The following YJEFN3 variants were observed in gnomAD, a reference collection of about 807,000 sequenced individuals.
The protein encoded by YJEFN3 is yjeF N-terminal domain-containing protein 3.
In YJEFN3, 29 loss-of-function variants were observed where a neutral mutation model predicts 31.5. The observed-to-expected ratio is 0.92, with a 90% CI of 0.69 to 1.26. The LOEUF is 1.26. Among genes scored for constraint, YJEFN3 ranks in the 50% most tolerant of loss-of-function variants. YJEFN3 has a pLI of 0.00. For missense variants in YJEFN3, 442 were observed against 425.4 expected (o/e 1.04, Z -0.34); for synonymous variants, 227 against 196.1 (o/e 1.16, Z -1.32).
chr19:19,528,952 C>A lies in YJEFN3; in HGVS notation c.20C>A (p.Pro7Gln). The change falls in exon 1 of 7, where the codon CCA (proline) becomes CAA (glutamine). Residue 7 changes from proline (P) to glutamine (Q), a missense_variant. Physicochemically the swap from Pro to Gln is moderately conservative, Grantham distance 76 (BLOSUM62 -1). Coordinates refer to ENST00000514277, the MANE Select transcript of YJEFN3 (RefSeq NM_198537.4). MSSAAG[P>Q]DPSEAPEERH... ...TCGGCCATGAGCAGCGCAGCCGGCC[C>A]AGACCCGTCGGAGGCGCCCGAAGAG... 6.5e-7 allele frequency: 1 copy of A among 1,549,724 alleles called. No individual in the cohort carries two copies. Among genetic ancestry groups the A allele is most frequent in the South Asian group, 1.2e-5 (1 of 83,976 alleles).
At chr19:19,530,886 C>T (rs1326000945) in intron 2 of YJEFN3, among the ~76,000 whole-genome samples, 1 of 152,142 alleles carries the variant, frequency 6.6e-6, no homozygotes, top group Non-Finnish European at 1.5e-5. Flanking sequence ...ATGTGTGGAC[C>T]CCCGAAGTGT....
rs542679590 is a variant in YJEFN3, at chr19:19,535,189, G to A, written c.429+45G>A. On this transcript the variant is annotated intron_variant, in intron 4 of 6. Transcript: ENST00000514277. ...TCGACCTCCCAAAGTCCCTGCCCCTGCAGAAATCACTGCCTTCTTTTGATA... is the reference window on the plus strand; with the variant it reads ...TCGACCTCCCAAAGTCCCTGCCCCTACAGAAATCACTGCCTTCTTTTGATA... 4 of 1,550,082 alleles carry A rather than the reference G, an allele frequency of 2.6e-6. No individual in the cohort carries two copies. The East Asian group carries it at 6.8e-5, about 26-fold the overall frequency.
At chr19:19,531,265 T>G (rs2061153151) in intron 2 of YJEFN3, among the ~76,000 whole-genome samples, 1 of 152,202 alleles carries the variant, frequency 6.6e-6, no homozygotes, top group Non-Finnish European at 1.5e-5. Context: ...ATGTCTTTGT[T>G]CATGTCCTGT....
chr19:19,536,412 G>T (rs1249391867), intron 6 of YJEFN3, among the ~76,000 whole-genome samples: 1 of 152,168 alleles, frequency 6.6e-6, no homozygotes, highest in East Asian at 1.9e-4. Context: ...CTGGGTGCAG[G>T]GGTCACACCT....
At position 19,532,651 on chromosome 19, in the gene YJEFN3, C is replaced by T; in HGVS notation, c.229C>T (p.Leu77=). 6 of 1,561,818 alleles carry T rather than the reference C, an allele frequency of 3.8e-6. No individual in the cohort carries two copies. Among genetic ancestry groups the T allele is most frequent in the Non-Finnish European group, 5.2e-6 (6 of 1,159,944 alleles). The change falls in exon 3 of 7, where the codon CTG becomes TTG. Residue 77 remains leucine (L), a synonymous_variant. Transcript: ENST00000514277. ...VCQSTAEAAA[L]ERELLEDYRF... Reference sequence around the variant, plus strand: ...CCCCAGCACCGCGGAGGCAGCCGCCCTGGAGCGGGAGCTGCTGGAGGATTA... The same window carrying T: ...CCCCAGCACCGCGGAGGCAGCCGCCTTGGAGCGGGAGCTGCTGGAGGATTA...
rs367672641 is a variant in YJEFN3, at chr19:19,535,409, G to A, written c.502G>A (p.Glu168Lys). ...LLHRDLTTQCEKMDIPFLSYL... is the reference protein window; with the variant it reads ...LLHRDLTTQCKKMDIPFLSYL... ...GCATCGGGACCTGACCACCCAGTGC[G>A]AGAAGATGGACATCCCCTTCCTGAG... Residue 168 changes from glutamate (E) to lysine (K), a missense_variant, in exon 5 of 7, where the codon GAG (glutamate) becomes AAG (lysine). Glu to Lys is a moderately conservative substitution (Grantham distance 56). Coordinates refer to ENST00000514277, the MANE Select transcript of YJEFN3 (RefSeq NM_198537.4). 5.6e-6 allele frequency: 9 copies of A among 1,614,006 alleles called. No homozygotes were observed. The highest frequency in any genetic ancestry group is 4.0e-5 in the African/African-American group (3 of 75,050).
In YJEFN3 at chr19:19,535,091, C is replaced by T; in HGVS notation, c.376C>T (p.Pro126Ser). The T allele has an allele frequency of 6.2e-7, 1 of 1,612,212 alleles. No individual in the cohort carries two copies. The highest frequency in any genetic ancestry group is 8.5e-7 in the Non-Finnish European group (1 of 1,179,162). Residue 126 changes from proline (P) to serine (S), a missense_variant, in exon 4 of 7, where the codon CCG (proline) becomes TCG (serine). Pro to Ser is a moderately conservative substitution (Grantham distance 74). Transcript: ENST00000514277. ...KQRTVLVVCG[P>S]EQNGAVGLVC... ...GAGGACGGTGCTGGTCGTGTGTGGC[C>T]CGGAGCAGAACGGGGCAGTGGGGCT...
intron 2 of YJEFN3, among the ~76,000 whole-genome samples, chr19:19,529,936 C>T (rs973160566): frequency 6.6e-6 from 1 of 152,152 alleles, no homozygotes; most frequent in Non-Finnish European, 1.5e-5. Context: ...GGTTTGGGAC[C>T]CGGTGATGCA....
In YJEFN3 at chr19:19,534,291, A is replaced by C; in HGVS notation, c.319-743A>C. 6.1e-6 allele frequency: 3 copies of C among 494,716 alleles called. No individual in the cohort carries two copies. Among genetic ancestry groups the C allele is most frequent in the Non-Finnish European group, 7.9e-6 (3 of 381,202 alleles). The allele number at this position is 494,716 out of a possible 1,614,324, so 30.6% of individuals were successfully genotyped here. On this transcript the variant is annotated intron_variant, in intron 3 of 6. Coordinates refer to ENST00000514277, the MANE Select transcript of YJEFN3 (RefSeq NM_198537.4). This position sits in a 1 kb window ranked among gnomAD's most constrained non-coding sequence, Gnocchi z 4.6. ...TGGAGAAAGAGAGCCAGAGACATACAGAAAGACAGAGACACTAGAGTCTGA... is the reference window on the plus strand; with the variant it reads ...TGGAGAAAGAGAGCCAGAGACATACCGAAAGACAGAGACACTAGAGTCTGA...
In YJEFN3 at chr19:19,535,103, G is replaced by C. The variant is rs772369943; in HGVS notation, c.388G>C (p.Gly130Arg). 1 of 1,611,600 alleles carries C rather than the reference G, an allele frequency of 6.2e-7. No individual in the cohort carries two copies. Among genetic ancestry groups the C allele is most frequent in the African/African-American group, 1.3e-5 (1 of 74,966 alleles). The stretch of plus-strand genomic sequence containing the variant: ...GGTCGTGTGTGGCCCGGAGCAGAAC[G>C]GGGCAGTGGGGCTGGTCTGTGCCCG... ...VLVVCGPEQNGAVGLVCARHL... is the reference protein window; with the variant it reads ...VLVVCGPEQNRAVGLVCARHL... Residue 130 changes from glycine to arginine, a missense_variant, in exon 4 of 7, where the codon GGG becomes CGG. By Grantham distance (125) the Gly-to-Arg change is moderately radical. Coordinates refer to ENST00000514277, the MANE Select transcript of YJEFN3 (RefSeq NM_198537.4).
In YJEFN3 at chr19:19,534,359, G is replaced by C. The variant is rs1038090532; in HGVS notation, c.319-675G>C. Reference sequence around the variant, plus strand: ...AGAGACAGCCAGAGACAGATGGAGAGAGACAGAGACACAAAGAGAGCCAGA... The same window carrying C: ...AGAGACAGCCAGAGACAGATGGAGACAGACAGAGACACAAAGAGAGCCAGA... On this transcript the variant is annotated intron_variant, in intron 3 of 6. Coordinates refer to ENST00000514277, the MANE Select transcript of YJEFN3 (RefSeq NM_198537.4). This position sits in a 1 kb window ranked among gnomAD's most constrained non-coding sequence, Gnocchi z 4.6. 2.0e-5 allele frequency: 4 copies of C among 195,878 alleles called. No individual in the cohort carries two copies. Among genetic ancestry groups the C allele is most frequent in the Non-Finnish European group, 2.8e-5 (3 of 108,028 alleles). 12.1% of individuals were successfully genotyped at this position (195,878 alleles called of 1,614,324 possible).
In YJEFN3 at chr19:19,537,416, C is replaced by A; in HGVS notation, c.792C>A (p.Ser264=). The A allele has an allele frequency of 6.3e-7, 1 of 1,591,162 alleles. No homozygotes were observed. Among genetic ancestry groups the A allele is most frequent in the Non-Finnish European group, 8.5e-7 (1 of 1,174,800 alleles). ...AAPKRCAGRF[S]GRHHFVAGRF... ...CCAAGCGCTGCGCTGGCCGCTTCTC[C>A]GGGCGCCACCACTTCGTGGCCGGCA... is the stretch of plus-strand genomic sequence containing the variant. Residue 264 remains serine (S), a synonymous_variant, in exon 7 of 7, where the codon TCC becomes TCA. Transcript: ENST00000514277.
At position 19,534,238 on chromosome 19, in the gene YJEFN3, G is replaced by A. The variant is rs2061185003; in HGVS notation, c.319-796G>A. ...CAGATAACAGAGAGATACAGAGACA[G>A]CCAGAGACAAATGGAGAGAGAGACA... On this transcript the variant is annotated intron_variant, in intron 3 of 6. Coordinates refer to ENST00000514277, the MANE Select transcript of YJEFN3 (RefSeq NM_198537.4). This position sits in a 1 kb window ranked among gnomAD's most constrained non-coding sequence, Gnocchi z 4.6. 3 of 900,818 alleles carry A rather than the reference G, an allele frequency of 3.3e-6. No homozygotes were observed. The highest frequency in any genetic ancestry group is 4.0e-6 in the Non-Finnish European group (3 of 752,862). 55.8% of individuals were successfully genotyped at this position (900,818 alleles called of 1,614,324 possible).
At chr19:19,535,721 TG>T in intron 6 of YJEFN3, 42 bp downstream of exon 6, 1 of 1,539,856 alleles carries the variant, frequency 6.5e-7, no homozygotes, top group Non-Finnish European at 8.7e-7. Flanking sequence ...CTGGGGGGCT[TG>T]GGTGGAGGCC....
At chr19:19,535,950 G>A (rs2061205429) in intron 6 of YJEFN3, 2 of 582,390 alleles carry the variant, frequency 3.4e-6, no homozygotes, top group South Asian at 4.1e-5. Context: ...CTGGGCAGAC[G>A]TGAGCTCACT....
At chr19:19,531,381 T>A (rs951125048) in intron 2 of YJEFN3, among the ~76,000 whole-genome samples, 1 of 152,230 alleles carries the variant, frequency 6.6e-6, no homozygotes, top group Non-Finnish European at 1.5e-5. Flanking sequence ...TTTTTCCAAC[T>A]TTTCTAGGCC....
rs532219901 is a variant in YJEFN3, at chr19:19,536,697, C to T, written c.695-622C>T. ...GTATCTTAAAAACAAACAGGCTGGG[C>T]GCAATGGCTCACACCCATAATCCTA... On this transcript the variant is annotated intron_variant, in intron 6 of 6. Transcript: ENST00000514277. Among the ~76,000 whole-genome samples the T allele has an allele frequency of 1.6e-4, 23 of 148,066 alleles. No homozygotes were observed. In the South Asian group the frequency reaches 2.4e-3, roughly 15 times the overall value.
chr19:19,534,945 C>T lies in YJEFN3; in HGVS notation c.319-89C>T. ...TGTTGCCTCCAGGCCCAAGCCCCAT[C>T]CCTTCCCCTACTCCGGGCCTCAGTT... On this transcript the variant is annotated intron_variant, in intron 3 of 6. Transcript: ENST00000514277. The surrounding 1 kb of genome is among the most constrained non-coding windows in gnomAD (Gnocchi z 4.6). 8.4e-7 allele frequency: 1 copy of T among 1,187,626 alleles called. No individual in the cohort carries two copies. The highest frequency in any genetic ancestry group is 1.6e-5 in the South Asian group (1 of 61,500). 73.6% of individuals were successfully genotyped at this position (1,187,626 alleles called of 1,614,324 possible).
rs374176011 is a variant in YJEFN3, at chr19:19,535,386, A to G, written c.479A>G (p.His160Arg). ...FYPTRSLDLL[H>R]RDLTTQCEKM... ...CCCACACGCTCGCTGGACCTGCTGC[A>G]TCGGGACCTGACCACCCAGTGCGAG... The change falls in exon 5 of 7, where the codon CAT (histidine) becomes CGT (arginine). Residue 160 changes from histidine (H) to arginine (R), a missense_variant. Coordinates refer to ENST00000514277, the MANE Select transcript of YJEFN3 (RefSeq NM_198537.4). The G allele has an allele frequency of 5.0e-6, 8 of 1,613,872 alleles. No individual in the cohort carries two copies. In the African/African-American group the frequency reaches 6.7e-5, roughly 13 times the overall value.
Sources: gnomAD v4.1 joint callset for allele counts (sites outside exome capture counted in the v4.1 genomes callset) on GRCh38, gnomAD v4.1.1 for gene constraint, Gnocchi (gnomAD v3.1) non-coding constraint, MANE v1.5 for transcripts, NCBI Gene and HGNC (gene_info 2026-07-23, HGNC 2026-07-21) for gene names.